PTCHD1: variants seen among roughly 807,000 people sequenced by gnomAD.
PTCHD1 encodes patched domain containing 1, also known as patched domain-containing protein 1.
A neutral mutation model predicts 34.6 loss-of-function variants in PTCHD1; 3 were observed. That is an observed-to-expected ratio of 0.09 (90% CI 0.04 to 0.22). PTCHD1 has a LOEUF of 0.22. Ranked by LOEUF, PTCHD1 falls within the 10% of genes least tolerant of loss-of-function variation. The pLI, the probability that PTCHD1 is intolerant of heterozygous loss-of-function variation, is 1.00. For missense variants in PTCHD1, 504 were observed against 685.5 expected (o/e 0.74, Z 2.96); for synonymous variants, 305 against 283.1 (o/e 1.08, Z -0.77).
Position 23,370,962 on chromosome X carries a change from C to T in PTCHD1, c.352-8629C>T, listed in dbSNP as rs188582794. ...AAACCAAACAAAATTGTCTGATAGC[C>T]CCCTCAGGAAGCTCAGGTTCTGACA... On this transcript the variant is annotated intron_variant, in intron 1 of 2. Transcript: ENST00000379361. Among the ~76,000 whole-genome samples the T allele has an allele frequency of 1.1e-3, 127 of 111,128 alleles. 1 individual carries two copies. Among genetic ancestry groups the T allele is most frequent in the South Asian group, 3.9e-4 (1 of 2,585 alleles).
chrX:23,377,355 T>C (rs1323642669), intron 1 of PTCHD1, among the ~76,000 whole-genome samples: 10 of 112,371 alleles, frequency 8.9e-5, no homozygotes, highest in Non-Finnish European at 1.7e-4. Context: ...TTTAAATTCC[T>C]CTAAGTTCTT....
intron 1 of PTCHD1, among the ~76,000 whole-genome samples, chrX:23,358,058 T>C (rs1052669116): frequency 6.2e-5 from 7 of 112,114 alleles, no homozygotes; most frequent in African/African-American, 1.3e-4. Flanking sequence ...CAGTCTATCA[T>C]TGATGGACAT....
At chrX:23,355,624 G>A (rs774633767) in intron 1 of PTCHD1, among the ~76,000 whole-genome samples, 33 of 112,529 alleles carry the variant, frequency 2.9e-4, no homozygotes, top group African/African-American at 9.4e-4. Flanking sequence ...ATTACATTAT[G>A]TCTCAGCTTT....
intron 2 of PTCHD1, among the ~76,000 whole-genome samples, chrX:23,384,974 C>T (rs1922650501): frequency 1.8e-5 from 2 of 111,733 alleles, no homozygotes; most frequent in South Asian, 7.5e-4. Context: ...TATTAGAATG[C>T]TATGGAAAGA....
Position 23,349,130 on chromosome X carries a change from A to C in PTCHD1, c.351+13904A>C, listed in dbSNP as rs1329514947. 5.4e-5 allele frequency among the ~76,000 whole-genome samples: 6 copies of C among 111,509 alleles called. No homozygotes were observed. The East Asian group carries it at 1.7e-3, about 31-fold the overall frequency. On this transcript the variant is annotated intron_variant, in intron 1 of 2. Transcript: ENST00000379361. ...ATTGTAAGTGCTAGGGAAACCACTA[A>C]AAATTTTTTTAAAGAAGTAAAATTG...
rs775961947 is a variant in PTCHD1 at position 23,347,058 on chromosome X, TG to T, written c.351+11833del. Among the ~76,000 whole-genome samples the T allele has an allele frequency of 5.4e-5, 6 of 112,036 alleles. No homozygotes were observed. The East Asian group carries it at 1.7e-3, about 31-fold the overall frequency. On this transcript the variant is annotated intron_variant, in intron 1 of 2. Transcript: ENST00000379361. ...TGCTTACTCTCCAGGAGAATGGACT[TG>T]CCAGAGCACGATTCTGAAACTTTAT...
At chrX:23,363,000 G>C (rs1248073237) in intron 1 of PTCHD1, among the ~76,000 whole-genome samples, 1 of 112,005 alleles carries the variant, frequency 8.9e-6, no homozygotes, top group African/African-American at 3.3e-5. Flanking sequence ...AAATATTGCT[G>C]CCTGATCCTT....
intron 1 of PTCHD1, among the ~76,000 whole-genome samples, chrX:23,338,013 T>G (rs1921214974): frequency 9.0e-6 from 1 of 111,158 alleles, no homozygotes; most frequent in Admixed American, 9.6e-5. Flanking sequence ...TACAGAAAAA[T>G]ATCTGTATTT....
intron 1 of PTCHD1, among the ~76,000 whole-genome samples, chrX:23,365,205 C>A (rs1317388938): frequency 9.0e-6 from 1 of 111,725 alleles, no homozygotes; most frequent in Admixed American, 9.5e-5. Flanking sequence ...TAAAAATGTG[C>A]CTACCATCAA....
intron 1 of PTCHD1, among the ~76,000 whole-genome samples, chrX:23,355,147 A>C (rs1194497831): frequency 9.1e-6 from 1 of 110,278 alleles, no homozygotes. Context: ...CTTCCTCAGC[A>C]CTCAGTGCTA....
chrX:23,343,320 C>T (rs1164795920), intron 1 of PTCHD1, among the ~76,000 whole-genome samples: 1 of 111,870 alleles, frequency 8.9e-6, no homozygotes, highest in Non-Finnish European at 1.9e-5. Flanking sequence ...TTCTCTGGTC[C>T]AAGTACAGTT....
At chrX:23,359,401 T>C (rs1047850254) in intron 1 of PTCHD1, among the ~76,000 whole-genome samples, 6 of 111,916 alleles carry the variant, frequency 5.4e-5, no homozygotes, top group African/African-American at 2.0e-4. Context: ...TTTTATTCTC[T>C]TTGTAGCGAT....
rs930281794 is a variant in PTCHD1 at position 23,357,100 on chromosome X, T to C, written c.351+21874T>C. Among the ~76,000 whole-genome samples, 9 of 112,220 alleles carry C rather than the reference T, an allele frequency of 8.0e-5. No individual in the cohort carries two copies. In the Admixed American group the frequency reaches 8.5e-4, roughly 11 times the overall value. ...CTGAAGTGTCAGACTCTTTCTACCA[T>C]ACCAGGCTGCCTCTGGGGCTCTTCT... On this transcript the variant is annotated intron_variant, in intron 1 of 2. Transcript: ENST00000379361.
intron 1 of PTCHD1, among the ~76,000 whole-genome samples, chrX:23,368,857 G>A (rs1398356344): frequency 1.8e-5 from 2 of 111,276 alleles, no homozygotes; most frequent in Non-Finnish European, 1.9e-5. Flanking sequence ...GATGTCAGGA[G>A]TTCGAGACCA....
chrX:23,355,515 A>C (rs1261086095), intron 1 of PTCHD1, among the ~76,000 whole-genome samples: 1 of 113,027 alleles, frequency 8.8e-6, no homozygotes, highest in African/African-American at 3.2e-5. Context: ...TCATAATATA[A>C]GCACATCACA....
intron 1 of PTCHD1, chrX:23,351,524 G>T: frequency 2.8e-6 from 1 of 356,945 alleles, no homozygotes; most frequent in South Asian, 5.4e-5. Flanking sequence ...CCATTTAAAA[G>T]TATGAAGTCA....
At chrX:23,334,820 C>T, upstream of PTCHD1, 1 of 844,825 alleles carries the variant, frequency 1.2e-6, no homozygotes. Flanking sequence ...CCGCCGCCGC[C>T]CGAACCCGCG....
Position 23,392,673 on chromosome X carries a change from C to T in PTCHD1, c.1155C>T (p.Thr385=). 1 of 1,212,159 alleles carries T rather than the reference C, an allele frequency of 8.2e-7. No individual in the cohort carries two copies. Among genetic ancestry groups the T allele is most frequent in the Non-Finnish European group, 1.1e-6 (1 of 895,504 alleles). Reference sequence around the variant, plus strand: ...TCACCACTGCCATGTACCTGGTCACCTTTGGCATAGGGGCCAGCCCTTTCA... The same window carrying T: ...TCACCACTGCCATGTACCTGGTCACTTTTGGCATAGGGGCCAGCCCTTTCA... ...FSLTTAMYLV[T]FGIGASPFTN... The change falls in exon 3 of 3, where the codon ACC becomes ACT. Residue 385 remains threonine, a synonymous_variant. Coordinates refer to ENST00000379361, the MANE Select transcript of PTCHD1 (RefSeq NM_173495.3).
At chrX:23,368,125 T>TAA (rs397896949) in intron 1 of PTCHD1, among the ~76,000 whole-genome samples, 12 of 93,337 alleles carry the variant, frequency 1.3e-4, no homozygotes, top group African/African-American at 3.9e-4. Flanking sequence ...CTTCTGTATT[T>TAA]AAAAAAAAAA....
Sources: allele counts gnomAD v4.1 joint callset (sites outside exome capture counted in the v4.1 genomes callset), GRCh38; gene constraint gnomAD v4.1.1; transcripts MANE v1.5; gene names NCBI Gene and HGNC (gene_info 2026-07-23, HGNC 2026-07-21).